Variants in MYO6 observed in about 807,000 individuals in gnomAD.
MYO6 encodes myosin VI.
In MYO6, 74 loss-of-function variants were observed where a neutral mutation model predicts 178.7. That is an observed-to-expected ratio of 0.41 (90% CI 0.34 to 0.50). The LOEUF (loss-of-function observed/expected upper bound fraction) is 0.50. Ranked by LOEUF, MYO6 falls within the 20% of genes least tolerant of loss-of-function variation. MYO6 has a pLI of 0.09. For missense variants in MYO6, 1,330 were observed against 1,547.4 expected (o/e 0.86, Z 2.36); for synonymous variants, 477 against 504.6 (o/e 0.95, Z 0.73).
chr6:75,881,642 A>G, intron 22 of MYO6, 47 bp from the exon 23 acceptor site: 1 of 1,574,268 alleles, frequency 6.4e-7, no homozygotes, highest in South Asian at 1.1e-5. Flanking sequence ...TATGTGTTCA[A>G]ATGCATTTAT....
chr6:75,834,643 C>G (rs534741515), intron 6 of MYO6, among the ~76,000 whole-genome samples: 1 of 152,146 alleles, frequency 6.6e-6, no homozygotes, highest in Non-Finnish European at 1.5e-5. Flanking sequence ...AGTGGTTGAA[C>G]TACTGCTAGG....
At chr6:75,875,540 G>C (rs4401622) in intron 20 of MYO6, among the ~76,000 whole-genome samples, 1 of 152,166 alleles carries the variant, frequency 6.6e-6, no homozygotes, top group Non-Finnish European at 1.5e-5. Flanking sequence ...TCCTCCCTCA[G>C]CCTTCCAAAG....
At chr6:75,779,384 C>T (rs1766730720) in intron 1 of MYO6, among the ~76,000 whole-genome samples, 1 of 152,060 alleles carries the variant, frequency 6.6e-6, no homozygotes, top group African/African-American at 2.4e-5. Context: ...TGCCTGTGGT[C>T]CCAACTACTT....
chr6:75,750,182 C>G (rs1047182646), intron 1 of MYO6, among the ~76,000 whole-genome samples: 3 of 151,680 alleles, frequency 2.0e-5, no homozygotes, highest in Non-Finnish European at 4.4e-5. Flanking sequence ...TGCACCCTCC[C>G]CCTCGCGGGT....
intron 14 of MYO6, among the ~76,000 whole-genome samples, chr6:75,859,301 ACTT>A (rs765535528): frequency 8.1e-5 from 12 of 148,810 alleles, no homozygotes; most frequent in South Asian, 6.3e-4. Flanking sequence ...TGTTGTCTCT[ACTT>A]CTTTTTTTTT....
chr6:75,861,895 C>T (rs1281233736), intron 15 of MYO6, among the ~76,000 whole-genome samples: 1 of 152,114 alleles, frequency 6.6e-6, no homozygotes, highest in African/African-American at 2.4e-5. Flanking sequence ...GAACTCTTCC[C>T]CTTCCATTTG....
At chr6:75,812,542 G>T (rs929328799) in intron 1 of MYO6, among the ~76,000 whole-genome samples, 1 of 152,036 alleles carries the variant, frequency 6.6e-6, no homozygotes, top group African/African-American at 2.4e-5. Flanking sequence ...TCAAGTACTA[G>T]ATTTTATTAA....
At chr6:75,853,207 A>C (rs1165772752) in intron 11 of MYO6, among the ~76,000 whole-genome samples, 1 of 152,176 alleles carries the variant, frequency 6.6e-6, no homozygotes, top group Admixed American at 6.5e-5. Flanking sequence ...CCAAGTTGTA[A>C]GAGTTTTGAA....
intron 3 of MYO6, among the ~76,000 whole-genome samples, chr6:75,824,126 G>A (rs186855670): frequency 2.0e-5 from 3 of 152,288 alleles, no homozygotes; most frequent in South Asian, 2.1e-4. Context: ...ATTTATTAAT[G>A]TGTATGTCTC....
intron 3 of MYO6, among the ~76,000 whole-genome samples, chr6:75,824,327 G>A (rs535649085): frequency 6.6e-6 from 1 of 152,338 alleles, no homozygotes; most frequent in East Asian, 1.9e-4. Flanking sequence ...ATGTGTGGGT[G>A]TTAACTATTC....
intron 23 of MYO6, among the ~76,000 whole-genome samples, chr6:75,884,216 A>G (rs770511197): frequency 7.2e-5 from 11 of 152,188 alleles, no homozygotes; most frequent in Non-Finnish European, 1.6e-4. Flanking sequence ...TCAAGGTCAG[A>G]TCATCCTAGG....
At chr6:75,761,353 A>G (rs912097395) in intron 1 of MYO6, among the ~76,000 whole-genome samples, 14 of 152,300 alleles carry the variant, frequency 9.2e-5, no homozygotes, top group African/African-American at 3.1e-4. Flanking sequence ...GAGTTTGACC[A>G]TATGACCAGC....
At chr6:75,775,719 T>C (rs1562139755) in intron 1 of MYO6, among the ~76,000 whole-genome samples, 1 of 152,210 alleles carries the variant, frequency 6.6e-6, no homozygotes, top group Non-Finnish European at 1.5e-5. Flanking sequence ...TGTTATTGTT[T>C]AACAATTCTG....
chr6:75,836,428 G>A (rs890815649), intron 7 of MYO6, among the ~76,000 whole-genome samples: 2 of 152,070 alleles, frequency 1.3e-5, no homozygotes, highest in African/African-American at 4.8e-5. Context: ...TTGTACCTCA[G>A]TTTGGAGACT....
intron 1 of MYO6, among the ~76,000 whole-genome samples, chr6:75,758,284 C>T (rs922918582): frequency 3.9e-5 from 6 of 152,120 alleles, no homozygotes; most frequent in South Asian, 4.2e-4. Flanking sequence ...ACAAGATTAA[C>T]GACAATTTGC....
intron 7 of MYO6, among the ~76,000 whole-genome samples, chr6:75,839,345 C>T (rs556087537): frequency 6.6e-5 from 10 of 151,934 alleles, no homozygotes; most frequent in Admixed American, 2.0e-4. Context: ...CCTGCCACCA[C>T]GCCTGGCTAA....
chr6:75,905,361 A>G (rs1305462509), intron 30 of MYO6, among the ~76,000 whole-genome samples: 1 of 152,186 alleles, frequency 6.6e-6, no homozygotes, highest in African/African-American at 2.4e-5. Context: ...CTGCTGTGCT[A>G]GCAAGAGACT....
intron 1 of MYO6, among the ~76,000 whole-genome samples, chr6:75,805,749 G>C (rs1230491934): frequency 6.6e-6 from 1 of 152,084 alleles, no homozygotes; most frequent in Non-Finnish European, 1.5e-5. Context: ...GAATAACTAA[G>C]AATTTCCAAG....
In MYO6 at chr6:75,886,902, G is replaced by T. The variant is rs1391115040; in HGVS notation, c.2566G>T (p.Val856Leu). Residue 856 changes from valine (V) to leucine (L), a missense_variant, in exon 25 of 35, where the codon GTA becomes TTA. By Grantham distance (32) the Val-to-Leu change is conservative. This residue lies in a region of MYO6 where 601 missense variants were observed against 626.1 expected (regional missense o/e 0.96). Coordinates refer to ENST00000369977, the MANE Select transcript of MYO6 (RefSeq NM_004999.4). ...LKKRLDKFNE[V>L]VSVLKDGKPE... Reference sequence around the variant, plus strand: ...AAAACGACTTGATAAATTTAATGAGGTAGTCAGTGTGTTGAAAGATGGAAA... The same window carrying T: ...AAAACGACTTGATAAATTTAATGAGTTAGTCAGTGTGTTGAAAGATGGAAA... 5.0e-5 allele frequency: 80 copies of T among 1,613,560 alleles called. No homozygotes were observed. Among genetic ancestry groups the T allele is most frequent in the Non-Finnish European group, 6.6e-5 (78 of 1,179,686 alleles).
Sources: gnomAD v4.1 joint callset for allele counts (sites outside exome capture counted in the v4.1 genomes callset) on GRCh38, gnomAD v4.1.1 for gene constraint, gnomAD v4.1.1 regional missense constraint, MANE v1.5 for transcripts, NCBI Gene and HGNC (gene_info 2026-07-23, HGNC 2026-07-21) for gene names.